The following CCL24 variants were observed in gnomAD, a reference collection of about 807,000 sequenced individuals.
CCL24 encodes C-C motif chemokine ligand 24.
CCL24 carries 6 observed loss-of-function variants against 8.6 expected under a neutral mutation model. The ratio of observed to expected loss-of-function variants is 0.70; its 90% CI spans 0.38 to 1.38. The LOEUF (loss-of-function observed/expected upper bound fraction) is 1.38, where lower values mean the gene tolerates loss of function less well. Ranked by LOEUF, CCL24 falls within the 40% of genes most tolerant of loss-of-function variation. The probability of loss-of-function intolerance (pLI) is 0.02; values close to 1 mark genes in which losing one functional copy is unlikely to be tolerated. For missense variants in CCL24, 126 were observed against 147.1 expected (o/e 0.86, Z 0.74); for synonymous variants, 59 against 52.7 (o/e 1.12, Z -0.52).
chr7:75,813,293 G>A lies in CCL24; in HGVS notation c.191+13C>T, dbSNP rs1417064984. ...CACCCCTCTCCTGCCACGTGCCCAT[G>A]AAGGATACCTACATCACTCCTGCCT... is the stretch of plus-strand genomic sequence containing the variant. On this transcript the variant is annotated intron_variant, in intron 2 of 2. Coordinates refer to ENST00000222902, the MANE Select transcript of CCL24 (RefSeq NM_002991.3). 1 of 1,532,362 alleles carries A rather than the reference G, an allele frequency of 6.5e-7. No homozygotes were observed. The highest frequency in any genetic ancestry group is 9.0e-7 in the Non-Finnish European group (1 of 1,107,158). The allele number at this position is 1,532,362 out of a possible 1,614,324, so 94.9% of individuals were successfully genotyped here. A position where few individuals can be genotyped will look rare whatever the true frequency, so the allele number is the denominator to read the frequency against.
At chr7:75,819,099 T>A (rs1803955469) in intron 1 of CCL24, among the ~76,000 whole-genome samples, 1 of 145,966 alleles carries the variant, frequency 6.9e-6, no homozygotes, top group African/African-American at 2.5e-5. Flanking sequence ...AGAAACCCCA[T>A]CTCTACTAAA....
intron 1 of CCL24, among the ~76,000 whole-genome samples, chr7:75,820,018 A>ACGTCGTCTTCTT (rs1230617445): frequency 1.9e-5 from 2 of 104,816 alleles, no homozygotes; most frequent in Non-Finnish European, 2.0e-5. Context: ...TTAGTAAACT[A>ACGTCGTCTTCTT]CTTCTTCTTC....
In CCL24 at chr7:75,811,622, G is replaced by A. The variant is rs11465317; in HGVS notation, c.*174C>T. The A allele has an allele frequency of 4.4e-3, 2,490 of 565,562 alleles. 34 individuals carry two copies. Among genetic ancestry groups the A allele is most frequent in the African/African-American group, 0.022 (1,127 of 51,704 alleles). 35.0% of individuals were successfully genotyped at this position (565,562 alleles called of 1,614,324 possible). A position where few individuals can be genotyped will look rare whatever the true frequency, so the allele number is the denominator to read the frequency against. On this transcript the variant is annotated 3_prime_UTR_variant, in exon 3 of 3. Coordinates refer to ENST00000222902, the MANE Select transcript of CCL24 (RefSeq NM_002991.3). ...TGCTTGGAGCCATTGCTCAGCCCCC[G>A]GGAACCACATCACCTGCTCCCTCGG...
At position 75,813,680 on chromosome 7, in the gene CCL24, C is replaced by A; in HGVS notation, c.36G>T (p.Leu12=). The A allele has an allele frequency of 6.2e-7, 1 of 1,614,146 alleles. No homozygotes were observed. Among genetic ancestry groups the A allele is most frequent in the Non-Finnish European group, 8.5e-7 (1 of 1,179,990 alleles). The change falls in exon 1 of 3, where the codon CTG becomes CTT. Residue 12 remains leucine, a synonymous_variant. Coordinates refer to ENST00000222902, the MANE Select transcript of CCL24 (RefSeq NM_002991.3). Reference sequence around the variant, plus strand: ...TGTGGTGGGCACAGACACCAAGGAACAGAAGGCTGGTTACTATGGTCATCA... The same window carrying A: ...TGTGGTGGGCACAGACACCAAGGAAAAGAAGGCTGGTTACTATGGTCATCA... The part of the protein sequence containing the change: ...AGLMTIVTSL[L]FLGVCAHHII...
In CCL24 at chr7:75,811,691, A is replaced by G; in HGVS notation, c.*105T>C. The G allele has an allele frequency of 9.8e-7, 1 of 1,025,256 alleles. No homozygotes were observed. The highest frequency in any genetic ancestry group is 1.4e-6 in the Non-Finnish European group (1 of 704,920). The allele number at this position is 1,025,256 out of a possible 1,614,324, so 63.5% of individuals were successfully genotyped here. A position where few individuals can be genotyped will look rare whatever the true frequency, so the allele number is the denominator to read the frequency against. ...ACATCCCTGGAGAGTGTTGCTAAGA[A>G]ACAGGAAAATTAGCTCTTCCCCCCA... On this transcript the variant is annotated 3_prime_UTR_variant, in exon 3 of 3. Transcript: ENST00000222902.
chr7:75,820,856 C>CATCT (rs1804034938), intron 1 of CCL24, among the ~76,000 whole-genome samples: 1 of 151,028 alleles, frequency 6.6e-6, no homozygotes. Flanking sequence ...TCCCTCCACC[C>CATCT]ATCTATCTAT....
intron 2 of CCL24, among the ~76,000 whole-genome samples, chr7:75,812,789 G>T (rs879999938): frequency 2.0e-5 from 3 of 152,070 alleles, no homozygotes; most frequent in Non-Finnish European, 4.4e-5. Flanking sequence ...AATTAGCCGG[G>T]CATGGTGGTG....
upstream of CCL24, among the ~76,000 whole-genome samples, chr7:75,815,195 C>G (rs1803863751): frequency 6.6e-6 from 1 of 151,844 alleles, no homozygotes; most frequent in Admixed American, 6.6e-5. Context: ...AAAAATTAGC[C>G]AGGCACGGTG....
intron 2 of CCL24, among the ~76,000 whole-genome samples, chr7:75,812,261 T>C (rs1554533534): frequency 3.3e-5 from 5 of 152,090 alleles, no homozygotes; most frequent in Non-Finnish European, 1.5e-5. Context: ...ATTTTTTTTA[T>C]TTTTTTGCAG....
intron 1 of CCL24, among the ~76,000 whole-genome samples, chr7:75,820,019 C>T (rs1423769861): frequency 1.5e-4 from 2 of 12,996 alleles, no homozygotes; most frequent in African/African-American, 3.8e-4. Context: ...TAGTAAACTA[C>T]TTCTTCTTCT....
intron 1 of CCL24, among the ~76,000 whole-genome samples, chr7:75,821,067 C>T (rs976404410): frequency 3.9e-5 from 6 of 152,142 alleles, no homozygotes. Context: ...CCTTGAGAGA[C>T]AGAGGCAATT....
intron 1 of CCL24, among the ~76,000 whole-genome samples, chr7:75,819,287 AAAAAAAAAAAAAAAAAATATATAT>A (rs1366560419): frequency 1.0e-3 from 23 of 22,796 alleles, no homozygotes; most frequent in Non-Finnish European, 1.5e-3. Flanking sequence ...AAAAAAAAAA[AAAAAAAAAAAAAAAAAATATATAT>A]ATATATATAT....
In CCL24 at chr7:75,820,018, A is replaced by T. The variant is rs906362202; in HGVS notation, c.-60+3304T>A. On this transcript the variant is annotated intron_variant, in intron 1 of 3. Coordinates refer to the CCL24 transcript ENST00000416943. The stretch of plus-strand genomic sequence containing the variant: ...CGGATGTAAGGGCTTTTAGTAAACT[A>T]CTTCTTCTTCTTCTTCTTCTTCTTC... Among the ~76,000 whole-genome samples the T allele has an allele frequency of 5.2e-3, 546 of 104,914 alleles. 8 individuals carry two copies. The highest frequency in any genetic ancestry group is 0.021 in the South Asian group (59 of 2,870). The allele number at this position is 104,914 out of a possible 152,430, so 68.8% of individuals were successfully genotyped here.
At chr7:75,818,418 G>C (rs1324999000), upstream of CCL24, among the ~76,000 whole-genome samples, 75 of 148,012 alleles carry the variant, frequency 5.1e-4, no homozygotes, top group African/African-American at 1.8e-3. Flanking sequence ...CTGCACTCCA[G>C]CCTGGGTGAC....
Position 75,811,453 on chromosome 7 carries a change from T to C in CCL24, c.*343A>G, listed in dbSNP as rs1585026826. On this transcript the variant is annotated 3_prime_UTR_variant, in exon 3 of 3. Coordinates refer to ENST00000222902, the MANE Select transcript of CCL24 (RefSeq NM_002991.3). ...GAGATTGTGCCACTGCACTCCAGCC[T>C]GGGTGACAGAGCGAGACTCCGTCTC... Among the ~76,000 whole-genome samples the C allele has an allele frequency of 6.7e-6, 1 of 149,650 alleles. No homozygotes were observed. The highest frequency in any genetic ancestry group is 2.1e-4 in the South Asian group (1 of 4,742).
Position 75,811,738 on chromosome 7 carries a change from C to T in CCL24, c.*58G>A. ...CCCATCACTGTGGCTTCTCCAGGCC[C>T]CGAGTAGCCCGCCAAGCAGCTCAGG... On this transcript the variant is annotated 3_prime_UTR_variant, in exon 3 of 3. Coordinates refer to ENST00000222902, the MANE Select transcript of CCL24 (RefSeq NM_002991.3). The T allele has an allele frequency of 6.6e-7, 1 of 1,504,522 alleles. No homozygotes were observed. The highest frequency in any genetic ancestry group is 9.0e-7 in the Non-Finnish European group (1 of 1,109,654). The allele number at this position is 1,504,522 out of a possible 1,614,324, so 93.2% of individuals were successfully genotyped here. A position where few individuals can be genotyped will look rare whatever the true frequency, so the allele number is the denominator to read the frequency against.
rs1563354037 is a variant in CCL24, at chr7:75,820,133, C to CTTCTTCTTCTT, written c.-60+3188_-60+3189insAAGAAGAAGAA. On this transcript the variant is annotated intron_variant, in intron 1 of 3. Coordinates refer to the CCL24 transcript ENST00000416943. ...TTCTTCTTCTTCTTCTTCTTCTTCT[C>CTTCTTCTTCTT]CTCCTCCTCCTCCTCCTCCTTCTCC... Among the ~76,000 whole-genome samples, 36 of 78,588 alleles carry CTTCTTCTTCTT rather than the reference C, an allele frequency of 4.6e-4. 1 individual carries two copies. Among genetic ancestry groups the CTTCTTCTTCTT allele is most frequent in the African/African-American group, 1.1e-3 (26 of 24,086 alleles). The allele number at this position is 78,588 out of a possible 152,430, so 51.6% of individuals were successfully genotyped here.
upstream of CCL24, among the ~76,000 whole-genome samples, chr7:75,814,979 G>T (rs1198029475): frequency 6.6e-6 from 1 of 151,950 alleles, no homozygotes; most frequent in Non-Finnish European, 1.5e-5. Flanking sequence ...CCTGCCAAGG[G>T]TCTGCTTTGG....
chr7:75,815,678 C>T (rs1202507138), upstream of CCL24, among the ~76,000 whole-genome samples: 1 of 151,998 alleles, frequency 6.6e-6, no homozygotes, highest in Non-Finnish European at 1.5e-5. Flanking sequence ...CAGAGTGGGA[C>T]ATGGCTCCCA....
Sources: gnomAD v4.1 joint callset for allele counts (sites outside exome capture counted in the v4.1 genomes callset) on GRCh38, gnomAD v4.1.1 for gene constraint, MANE v1.5 for transcripts, NCBI Gene and HGNC (gene_info 2026-07-23, HGNC 2026-07-21) for gene names.